The following CEP112 variants were observed in gnomAD, a reference collection of about 807,000 sequenced individuals.
CEP112 encodes the protein centrosomal protein of 112 kDa.
A neutral mutation model predicts 153.0 loss-of-function variants in CEP112; 127 were observed. The observed-to-expected ratio is 0.83, with a 90% CI of 0.72 to 0.96. The LOEUF (loss-of-function observed/expected upper bound fraction) is 0.96, where lower values mean the gene tolerates loss of function less well. Ranked by LOEUF, CEP112 falls within the 40% of genes least tolerant of loss-of-function variation. CEP112 has a pLI of 0.00. For missense variants in CEP112, 1,089 were observed against 1,101.2 expected, an observed-to-expected ratio of 0.99 and a Z score of 0.16; for synonymous variants, 358 against 374.4, an observed-to-expected ratio of 0.96 and a Z score of 0.51.
intron 17 of CEP112, among the ~76,000 whole-genome samples, chr17:65,970,689 A>G (rs1025686476): frequency 3.3e-5 from 5 of 151,926 alleles, no homozygotes; most frequent in African/African-American, 9.7e-5. Context: ...TATCACACAC[A>G]TGCATATTAC....
rs557611105 is a variant in CEP112, at chr17:65,689,153, G to T, written c.2673C>A (p.His891Gln). ...CCTGTTCCTGTGACTCCAATTCTTT[G>T]TGTTGTAATTTTTTCTCTGCACATC... Reference protein sequence around the residue: ...QVRCAEKKLQHKELESQEQIT... With the variant: ...QVRCAEKKLQQKELESQEQIT... The change falls in exon 24 of 27, where the codon CAC (histidine) becomes CAA (glutamine). Residue 891 changes from histidine to glutamine, a missense_variant. Transcript: ENST00000535342. 3 of 1,612,568 alleles carry T rather than the reference G, an allele frequency of 1.9e-6. No homozygotes were observed. Among genetic ancestry groups the T allele is most frequent in the East Asian group, 4.5e-5 (2 of 44,864 alleles).
chr17:66,066,718 C>T lies in CEP112; in HGVS notation c.955+60G>A, dbSNP rs998233861. Reference sequence around the variant, plus strand: ...AGGTCAGAAATCAAATTTTTTTCTCCACATCACTAAAATAAAATGGAAATG... The same window carrying T: ...AGGTCAGAAATCAAATTTTTTTCTCTACATCACTAAAATAAAATGGAAATG... On this transcript the variant is annotated intron_variant, in intron 10 of 26. Transcript: ENST00000535342. 4 of 1,159,218 alleles carry T rather than the reference C, an allele frequency of 3.5e-6. No individual in the cohort carries two copies. The African/African-American group carries it at 6.4e-5, about 19-fold the overall frequency. The allele number at this position is 1,159,218 out of a possible 1,614,324, so 71.8% of individuals were successfully genotyped here.
In CEP112 at chr17:65,739,749, C is replaced by A. The variant is rs139329964; in HGVS notation, c.2607+3319G>T. Among the ~76,000 whole-genome samples the A allele has an allele frequency of 1.5e-3, 232 of 151,956 alleles. 1 individual carries two copies. Among genetic ancestry groups the A allele is most frequent in the African/African-American group, 2.9e-3 (119 of 41,484 alleles). ...AGACTCCATCTCAAAAAAAAAAAAT[C>A]TACTCTTACGAATTTTGTTCGTTTG... On this transcript the variant is annotated intron_variant, in intron 23 of 26. Transcript: ENST00000535342.
At chr17:65,745,472 G>A (rs1238661238) in intron 22 of CEP112, among the ~76,000 whole-genome samples, 1 of 152,202 alleles carries the variant, frequency 6.6e-6, no homozygotes, top group African/African-American at 2.4e-5. Context: ...CACAGTCACA[G>A]AGCCAGAGGA....
intron 20 of CEP112, among the ~76,000 whole-genome samples, chr17:65,894,421 C>T (rs1037995367): frequency 8.5e-5 from 13 of 152,054 alleles, no homozygotes; most frequent in Non-Finnish European, 1.5e-4. Context: ...CAGGTTTGAA[C>T]TTCATAATCC....
chr17:65,725,539 A>G (rs1389903552), intron 23 of CEP112, among the ~76,000 whole-genome samples: 1 of 151,878 alleles, frequency 6.6e-6, no homozygotes, highest in African/African-American at 2.4e-5. Flanking sequence ...CTGGTCTGGA[A>G]CTCCTGACCT....
At position 65,844,609 on chromosome 17, in the gene CEP112, C is replaced by T. The variant is rs150160206; in HGVS notation, c.2394+7195G>A. On this transcript the variant is annotated intron_variant, in intron 21 of 26. Coordinates refer to ENST00000535342, the MANE Select transcript of CEP112 (RefSeq NM_001199165.4). ...ATGAGGCGGGAGAATCGCTTGAACC[C>T]GCAAGCCAGAGGTTGCAGTGAGCCG... is the stretch of plus-strand genomic sequence containing the variant. Among the ~76,000 whole-genome samples the T allele has an allele frequency of 8.8e-3, 1,267 of 144,504 alleles. 14 individuals are homozygous for T. Among genetic ancestry groups the T allele is most frequent in the South Asian group, 0.023 (102 of 4,402 alleles). 94.8% of individuals were successfully genotyped at this position (144,504 alleles called of 152,430 possible). A position where few individuals can be genotyped will look rare whatever the true frequency, so the allele number is the denominator to read the frequency against.
chr17:66,031,464 TTTTGTTTTGTTTTTTTTTTTTG>T (rs1365640506), intron 12 of CEP112, among the ~76,000 whole-genome samples: 59 of 42,204 alleles, frequency 1.4e-3, no homozygotes, highest in African/African-American at 4.7e-3. Flanking sequence ...AAAAACCCAG[TTTTGTTTTGTTTTTTTTTTTTG>T]TTTTTTTTTT....
At chr17:66,070,774 C>T (rs191046506) in intron 8 of CEP112, among the ~76,000 whole-genome samples, 18 of 152,240 alleles carry the variant, frequency 1.2e-4, no homozygotes, top group African/African-American at 4.3e-4. Flanking sequence ...CACATGATTC[C>T]TCACAATTTA....
chr17:66,061,569 TACACACAC>T (rs35156012), intron 11 of CEP112, among the ~76,000 whole-genome samples: 7 of 146,240 alleles, frequency 4.8e-5, no homozygotes, highest in East Asian at 2.0e-4. Context: ...ATGTGATAGA[TACACACAC>T]ACACACACAC....
chr17:66,045,419 C>T (rs1438548796), intron 12 of CEP112, among the ~76,000 whole-genome samples: 2 of 152,138 alleles, frequency 1.3e-5, no homozygotes, highest in East Asian at 1.9e-4. Context: ...GATGTGAAGA[C>T]AATTCCTACT....
At chr17:66,069,266 A>C (rs1052621269) in intron 9 of CEP112, among the ~76,000 whole-genome samples, 1 of 152,024 alleles carries the variant, frequency 6.6e-6, no homozygotes, top group Non-Finnish European at 1.5e-5. Flanking sequence ...TCAAAAAAAC[A>C]CATACATACA....
At chr17:65,780,485 T>G (rs1235370270) in intron 21 of CEP112, among the ~76,000 whole-genome samples, 1 of 152,084 alleles carries the variant, frequency 6.6e-6, no homozygotes, top group Non-Finnish European at 1.5e-5. Flanking sequence ...TTCTCTGATG[T>G]GCAGAAAATA....
At chr17:65,751,032 G>GCT (rs1227862982) in intron 21 of CEP112, 1 of 249,648 alleles carries the variant, frequency 4.0e-6, no homozygotes, top group East Asian at 7.4e-5. Flanking sequence ...TAAAGTAAGG[G>GCT]AAAGAGAGAA....
rs902515932 is a variant in CEP112, at chr17:65,964,755, C to T, written c.1737-3157G>A. Among the ~76,000 whole-genome samples the T allele has an allele frequency of 4.6e-5, 7 of 152,224 alleles. No homozygotes were observed. In the South Asian group the frequency reaches 6.2e-4, roughly 14 times the overall value. On this transcript the variant is annotated intron_variant, in intron 17 of 26. Transcript: ENST00000535342. ...CACTGGGGTTAGGCAGTGCAATGAC[C>T]GTTTAGAGATTATAGTGACTAGTTT... is the stretch of plus-strand genomic sequence containing the variant.
chr17:65,993,771 T>G (rs1239007768), intron 17 of CEP112, among the ~76,000 whole-genome samples: 2 of 152,198 alleles, frequency 1.3e-5, no homozygotes, highest in Non-Finnish European at 2.9e-5. Context: ...TGATTTTATT[T>G]ATGTGCAGTT....
At chr17:65,795,979 A>G (rs1196991790) in intron 21 of CEP112, among the ~76,000 whole-genome samples, 6 of 152,102 alleles carry the variant, frequency 3.9e-5, no homozygotes, top group Non-Finnish European at 5.9e-5. Flanking sequence ...TTTCAGGTAG[A>G]GTTTGCCCTG....
intron 21 of CEP112, among the ~76,000 whole-genome samples, chr17:65,836,518 T>A (rs561026500): frequency 1.3e-5 from 2 of 152,102 alleles, no homozygotes; most frequent in Non-Finnish European, 2.9e-5. Context: ...ATGTTGACTT[T>A]AAGAACTGTA....
chr17:66,153,217 G>A (rs944884707), intron 4 of CEP112, among the ~76,000 whole-genome samples: 5 of 152,028 alleles, frequency 3.3e-5, no homozygotes, highest in South Asian at 4.2e-4. Context: ...ACATATGTCC[G>A]AATAAAAATT....
Sources: allele counts gnomAD v4.1 joint callset (sites outside exome capture counted in the v4.1 genomes callset), GRCh38; gene constraint gnomAD v4.1.1; transcripts MANE v1.5; gene names NCBI Gene and HGNC (gene_info 2026-07-23, HGNC 2026-07-21).